The following UBAC2 variants were observed in gnomAD, a reference collection of about 807,000 sequenced individuals.
UBAC2 encodes the protein UBA domain containing 2.
In UBAC2, 26 loss-of-function variants were observed where a neutral mutation model predicts 44.0. That is an observed-to-expected ratio of 0.59 (90% confidence interval 0.43 to 0.82). UBAC2 has a LOEUF of 0.82. Ranked by LOEUF, UBAC2 falls within the 40% of genes least tolerant of loss-of-function variation. The pLI is 0.00. For missense variants in UBAC2, 329 were observed against 419.4 expected, an observed-to-expected ratio of 0.78 and a Z score of 1.88; for synonymous variants, 155 against 154.3, an observed-to-expected ratio of 1.00 and a Z score of -0.04.
chr13:99,379,267 G>A (rs1415683838), intron 8 of UBAC2, among the ~76,000 whole-genome samples: 1 of 152,192 alleles, frequency 6.6e-6, no homozygotes, highest in Non-Finnish European at 1.5e-5. Context: ...TTCCTGGAGG[G>A]GCTGTCTCAT....
intron 4 of UBAC2, among the ~76,000 whole-genome samples, chr13:99,280,630 G>A (rs1253462340): frequency 6.6e-6 from 1 of 152,130 alleles, no homozygotes; most frequent in Non-Finnish European, 1.5e-5. Flanking sequence ...GAAAGAGCAG[G>A]ATCTTACTCT....
At chr13:99,249,543 T>C (rs2043432333) in intron 4 of UBAC2, among the ~76,000 whole-genome samples, 1 of 152,250 alleles carries the variant, frequency 6.6e-6, no homozygotes, top group Non-Finnish European at 1.5e-5. Flanking sequence ...TTATTTTCTT[T>C]TGGCTACGTA....
intron 6 of UBAC2, among the ~76,000 whole-genome samples, chr13:99,330,054 C>G (rs1451722169): frequency 1.3e-5 from 2 of 152,116 alleles, no homozygotes; most frequent in African/African-American, 2.4e-5. Flanking sequence ...ATGTACAGGT[C>G]TTGCACATCT....
chr13:99,255,399 C>T (rs2043530932), intron 4 of UBAC2: 1 of 1,613,960 alleles, frequency 6.2e-7, no homozygotes, highest in Non-Finnish European at 8.5e-7. Context: ...CTTTATAGAG[C>T]AGTAGCAGAG....
chr13:99,237,271 T>TATATACACACACAC (rs374683969), intron 1 of UBAC2, among the ~76,000 whole-genome samples: 128 of 145,008 alleles, frequency 8.8e-4, no homozygotes, highest in East Asian at 1.8e-3. Flanking sequence ...TATATATATA[T>TATATACACACACAC]ACACACACAC....
At chr13:99,217,593 A>G (rs908402083) in intron 1 of UBAC2, among the ~76,000 whole-genome samples, 7 of 152,184 alleles carry the variant, frequency 4.6e-5, no homozygotes, top group African/African-American at 1.4e-4. Flanking sequence ...GCTTGGGGCC[A>G]GCTGTTACCC....
intron 6 of UBAC2, among the ~76,000 whole-genome samples, chr13:99,325,506 C>T (rs2044629841): frequency 6.6e-6 from 1 of 152,184 alleles, no homozygotes. Flanking sequence ...AAGTCTTACT[C>T]ATTTAAGTCC....
chr13:99,225,600 C>T (rs1164060060), intron 1 of UBAC2, among the ~76,000 whole-genome samples: 1 of 152,182 alleles, frequency 6.6e-6, no homozygotes, highest in African/African-American at 2.4e-5. Context: ...AGTATGTGAG[C>T]ACCTCCTTCA....
chr13:99,283,984 T>G (rs1282755482), intron 4 of UBAC2, among the ~76,000 whole-genome samples: 1 of 152,154 alleles, frequency 6.6e-6, no homozygotes, highest in South Asian at 2.1e-4. Context: ...CTGTCTGCCT[T>G]GGCCTCCCAA....
chr13:99,297,159 A>C (rs951179859), intron 4 of UBAC2, among the ~76,000 whole-genome samples: 5 of 152,208 alleles, frequency 3.3e-5, no homozygotes, highest in African/African-American at 4.8e-5. Flanking sequence ...TAAAGCAGAA[A>C]TTTTAAGTAC....
At chr13:99,243,011 C>T (rs2043337848) in intron 2 of UBAC2, among the ~76,000 whole-genome samples, 1 of 151,960 alleles carries the variant, frequency 6.6e-6, no homozygotes, top group Non-Finnish European at 1.5e-5. Context: ...GGCAGAGACG[C>T]TCCTCACTTT....
chr13:99,244,862 TCG>T (rs2043363183), intron 4 of UBAC2, among the ~76,000 whole-genome samples: 1 of 151,854 alleles, frequency 6.6e-6, no homozygotes, highest in Non-Finnish European at 1.5e-5. Context: ...AGACGGAGTC[TCG>T]CTCTGTCACC....
At chr13:99,223,124 G>A (rs952761544) in intron 1 of UBAC2, among the ~76,000 whole-genome samples, 17 of 151,984 alleles carry the variant, frequency 1.1e-4, no homozygotes, top group African/African-American at 3.6e-4. Context: ...ATTTATGGGC[G>A]TAAAGTATTT....
At chr13:99,358,240 G>C (rs1253108175) in intron 7 of UBAC2, among the ~76,000 whole-genome samples, 1 of 152,148 alleles carries the variant, frequency 6.6e-6, no homozygotes, top group Non-Finnish European at 1.5e-5. Context: ...AAAGCAACAG[G>C]GATGCATTGA....
intron 5 of UBAC2, among the ~76,000 whole-genome samples, chr13:99,316,552 G>A (rs2044493674): frequency 6.6e-6 from 1 of 152,150 alleles, no homozygotes; most frequent in Non-Finnish European, 1.5e-5. Flanking sequence ...GACGTTGTGG[G>A]CTCTCAAGCC....
intron 5 of UBAC2, chr13:99,314,647 A>G (rs1257778785): frequency 6.5e-6 from 1 of 153,796 alleles, no homozygotes; most frequent in African/African-American, 2.4e-5. Context: ...GTGCTCTACC[A>G]ACCCGAGCTT....
chr13:99,370,285 A>G (rs575741588), intron 8 of UBAC2, among the ~76,000 whole-genome samples: 32 of 152,196 alleles, frequency 2.1e-4, no homozygotes, highest in Non-Finnish European at 3.8e-4. Context: ...GATTGTGTGT[A>G]TGTGTGACAG....
intron 1 of UBAC2, among the ~76,000 whole-genome samples, chr13:99,208,685 C>T (rs975784010): frequency 6.6e-6 from 1 of 152,202 alleles, no homozygotes; most frequent in Non-Finnish European, 1.5e-5. Context: ...TCCTCTCTGT[C>T]CCTCAGATTT....
chr13:99,286,524 C>T (rs1036234375), intron 4 of UBAC2, among the ~76,000 whole-genome samples: 8 of 151,792 alleles, frequency 5.3e-5, no homozygotes, highest in East Asian at 1.9e-4. Context: ...CTTTTAGGTT[C>T]GGGGGGTACA....
Sources: allele counts gnomAD v4.1 joint callset (sites outside exome capture counted in the v4.1 genomes callset), GRCh38; gene constraint gnomAD v4.1.1; transcripts MANE v1.5; gene names NCBI Gene and HGNC (gene_info 2026-07-23, HGNC 2026-07-21).